Variants in UTRN observed in about 807,000 individuals in gnomAD.
UTRN encodes the protein dystrophin-related protein 1.
UTRN carries 283 observed loss-of-function variants against 463.9 expected under a neutral mutation model. That is an observed-to-expected ratio of 0.61 (90% confidence interval 0.55 to 0.67). UTRN has a LOEUF of 0.67. UTRN is among the 30% of genes least tolerant of loss of function. The pLI, the probability that UTRN is intolerant of heterozygous loss-of-function variation, is 0.00. For synonymous variants in UTRN, 1,442 were observed against 1,431.5 expected (o/e 1.01, Z -0.17); for missense variants, 3,922 against 4,084.3 (o/e 0.96, Z 1.08).
At chr6:144,475,565 C>T (rs1791105477) in intron 25 of UTRN, among the ~76,000 whole-genome samples, 1 of 152,152 alleles carries the variant, frequency 6.6e-6, no homozygotes, top group Non-Finnish European at 1.5e-5. Context: ...AGGTTTTGAA[C>T]AGGGAAGTGA....
chr6:144,621,856 C>T (rs900527745), intron 51 of UTRN, among the ~76,000 whole-genome samples: 3 of 152,058 alleles, frequency 2.0e-5, no homozygotes, highest in Non-Finnish European at 4.4e-5. Flanking sequence ...ATTCTTCCTA[C>T]GCCTTCTCTT....
intron 58 of UTRN, among the ~76,000 whole-genome samples, chr6:144,767,056 G>C (rs527484242): frequency 2.0e-5 from 3 of 152,082 alleles, no homozygotes; most frequent in African/African-American, 7.2e-5. Context: ...TCAATGAAGC[G>C]TGAGATAAAG....
chr6:144,478,227 C>T (rs1267807763), intron 25 of UTRN, among the ~76,000 whole-genome samples: 1 of 151,854 alleles, frequency 6.6e-6, no homozygotes, highest in African/African-American at 2.4e-5. Context: ...ATTTTAATGC[C>T]AAAAAATAGA....
intron 2 of UTRN, among the ~76,000 whole-genome samples, chr6:144,402,062 A>G (rs889750946): frequency 1.3e-5 from 2 of 152,228 alleles, no homozygotes; most frequent in African/African-American, 4.8e-5. Flanking sequence ...TAAGCCAACA[A>G]TGACTCTTTT....
chr6:144,552,671 A>T (rs1363063400), intron 48 of UTRN, among the ~76,000 whole-genome samples: 1 of 152,188 alleles, frequency 6.6e-6, no homozygotes, highest in East Asian at 1.9e-4. Flanking sequence ...CATTATATGA[A>T]AAACCCTTCC....
At chr6:144,490,248 T>C (rs1792927490) in intron 31 of UTRN, 49 bp downstream of exon 31, 1 of 1,566,482 alleles carries the variant, frequency 6.4e-7, no homozygotes, top group African/African-American at 1.4e-5. Flanking sequence ...GTTGGGAATT[T>C]TCTTCAAAAA....
chr6:144,478,937 C>CT (rs1197374734), intron 25 of UTRN, among the ~76,000 whole-genome samples: 1 of 152,074 alleles, frequency 6.6e-6, no homozygotes, highest in Non-Finnish European at 1.5e-5. Flanking sequence ...TTTACTGTAA[C>CT]TTTTTTGTGT....
chr6:144,535,337 C>T (rs1336580764), intron 43 of UTRN, among the ~76,000 whole-genome samples: 1 of 152,154 alleles, frequency 6.6e-6, no homozygotes, highest in Non-Finnish European at 1.5e-5. Flanking sequence ...TGGCCTTGGC[C>T]TCTCAAAGTT....
chr6:144,522,972 G>C (rs765772426), intron 40 of UTRN, 44 bp from the exon 41 acceptor site: 2 of 1,394,550 alleles, frequency 1.4e-6, no homozygotes, highest in East Asian at 5.1e-5. Context: ...TCCTTTTTTT[G>C]TTACTTTGCT....
intron 2 of UTRN, among the ~76,000 whole-genome samples, chr6:144,371,983 A>G (rs1255569249): frequency 6.6e-6 from 1 of 152,250 alleles, no homozygotes; most frequent in Non-Finnish European, 1.5e-5. Flanking sequence ...TTTCAACTAC[A>G]TAACTCAATA....
Position 144,700,091 on chromosome 6 carries a change from C to T in UTRN, c.7657C>T (p.His2553Tyr). Residue 2553 changes from histidine to tyrosine, a missense_variant, in exon 53 of 75, where the codon CAT becomes TAT. Around this residue, in one of 3 missense-constraint regions of UTRN, gnomAD observed 1,309 missense variants for 1,452.6 expected, o/e 0.90. Coordinates refer to ENST00000367545, the MANE Select transcript of UTRN (RefSeq NM_007124.3). The part of the protein sequence containing the change: ...LKAKSASIRA[H>Y]LEASAEKWNR... Reference sequence around the variant, plus strand: ...ATTATTATTATCTCTCAACAGGGCCCATTTGGAGGCCAGCGCTGAGAAGTG... The same window carrying T: ...ATTATTATTATCTCTCAACAGGGCCTATTTGGAGGCCAGCGCTGAGAAGTG... The T allele has an allele frequency of 1.3e-6, 2 of 1,589,302 alleles. No individual in the cohort carries two copies. Among genetic ancestry groups the T allele is most frequent in the South Asian group, 1.2e-5 (1 of 86,598 alleles).
intron 51 of UTRN, among the ~76,000 whole-genome samples, chr6:144,596,849 A>G (rs188622479): frequency 6.6e-6 from 1 of 152,328 alleles, no homozygotes; most frequent in East Asian, 1.9e-4. Context: ...GAGCCCTTGC[A>G]TACTTTACTG....
Position 144,447,623 on chromosome 6 carries a change from A to G in UTRN, c.1744A>G (p.Met582Val). The part of the protein sequence containing the change: ...RLAILKEDME[M>V]KRQTLDQLSE... ...CTAGATTTTGAAGGAAGACATGGAA[A>G]TGAAGCGTCAAACATTGGATCAGCT... Residue 582 changes from methionine to valine, a missense_variant, in exon 16 of 75, where the codon ATG (methionine) becomes GTG (valine). This residue lies in a region of UTRN where 2,349 missense variants were observed against 2,303.8 expected (regional missense o/e 1.02). Transcript: ENST00000367545. The G allele has an allele frequency of 6.2e-7, 1 of 1,613,440 alleles. No individual in the cohort carries two copies. The highest frequency in any genetic ancestry group is 8.5e-7 in the Non-Finnish European group (1 of 1,179,844).
At chr6:144,602,298 AT>A (rs1207383418) in intron 51 of UTRN, among the ~76,000 whole-genome samples, 159 of 143,742 alleles carry the variant, frequency 1.1e-3, no homozygotes, top group Middle Eastern at 3.5e-3. Flanking sequence ...GTCCCGGCTG[AT>A]TTTTTTTTTT....
At chr6:144,743,506 A>T (rs1353576655) in intron 54 of UTRN, among the ~76,000 whole-genome samples, 1 of 152,202 alleles carries the variant, frequency 6.6e-6, no homozygotes, top group African/African-American at 2.4e-5. Context: ...AATTGAGGTA[A>T]AATAGACTCT....
intron 2 of UTRN, among the ~76,000 whole-genome samples, chr6:144,333,846 A>T (rs950282318): frequency 2.0e-5 from 3 of 152,126 alleles, no homozygotes; most frequent in Admixed American, 6.5e-5. Flanking sequence ...TGTGAAGAAA[A>T]TTTTTTGTTT....
intron 62 of UTRN, 77 bp downstream of exon 62, chr6:144,789,356 T>C (rs1234537459): frequency 1.6e-6 from 2 of 1,263,330 alleles, no homozygotes; most frequent in African/African-American, 1.5e-5. Flanking sequence ...AAACTTAAAT[T>C]ATATAATTTG....
At chr6:144,299,217 G>C (rs539334986) in intron 2 of UTRN, among the ~76,000 whole-genome samples, 3 of 152,228 alleles carry the variant, frequency 2.0e-5, no homozygotes, top group Admixed American at 6.5e-5. Flanking sequence ...AGATATGTGG[G>C]GTGGGGTCCC....
At position 144,426,362 on chromosome 6, in the gene UTRN, C is replaced by T. The variant is rs1196247080; in HGVS notation, c.481C>T (p.Arg161Cys). 10 of 1,614,158 alleles carry T rather than the reference C, an allele frequency of 6.2e-6. No individual in the cohort carries two copies. Among genetic ancestry groups the T allele is most frequent in the South Asian group, 1.1e-5 (1 of 91,088 alleles). ...NSEKILLSWV[R>C]QTTRPYSQVN... ...TGAGAAGATCCTGCTCAGCTGGGTGCGTCAGACCACCAGGCCCTACAGCCA... is the reference window on the plus strand; with the variant it reads ...TGAGAAGATCCTGCTCAGCTGGGTGTGTCAGACCACCAGGCCCTACAGCCA... The change falls in exon 7 of 75, where the codon CGT becomes TGT. Residue 161 changes from arginine to cysteine, a missense_variant. Physicochemically the swap from Arg to Cys is radical, Grantham distance 180. This residue lies in a region of UTRN where 264 missense variants were observed against 327.9 expected (regional missense o/e 0.81). Coordinates refer to ENST00000367545, the MANE Select transcript of UTRN (RefSeq NM_007124.3).
Sources: allele counts gnomAD v4.1 joint callset (sites outside exome capture counted in the v4.1 genomes callset), GRCh38; gene constraint gnomAD v4.1.1; regional missense constraint gnomAD v4.1.1; transcripts MANE v1.5; gene names NCBI Gene and HGNC (gene_info 2026-07-23, HGNC 2026-07-21).